TSSK3: variants seen among roughly 807,000 people sequenced by gnomAD.
The protein encoded by TSSK3 is testis-specific serine/threonine-protein kinase 3.
TSSK3 carries 16 observed loss-of-function variants against 18.9 expected under a neutral mutation model. The observed-to-expected ratio is 0.85, with a 90% confidence interval of 0.57 to 1.28. TSSK3 has a LOEUF of 1.28. Ranked by LOEUF, TSSK3 falls within the 50% of genes most tolerant of loss-of-function variation. The probability of loss-of-function intolerance (pLI) is 0.00; values close to 1 mark genes in which losing one functional copy is unlikely to be tolerated. For missense variants in TSSK3, 345 were observed against 341.0 expected (o/e 1.01, Z -0.09); for synonymous variants, 146 against 133.9 (o/e 1.09, Z -0.62).
In TSSK3 at chr1:32,363,651, A is replaced by G. The variant is rs189409379; in HGVS notation, c.202A>G (p.Lys68Glu). ...ELQIVRTLDH[K>E]NIIQVYEMLE... is the part of the protein sequence containing the mutation. ...CCAAATCGTCCGTACCCTGGACCAC[A>G]AGAACATCATCCAGGTGTATGAGAT... is the stretch of plus-strand genomic sequence containing the variant. The change falls in exon 2 of 2, where the codon AAG becomes GAG. Residue 68 changes from lysine to glutamate, a missense_variant. Transcript: ENST00000373534. 104 of 1,614,206 alleles carry G rather than the reference A, an allele frequency of 6.4e-5. 1 individual carries two copies. Among genetic ancestry groups the G allele is most frequent in the Admixed American group, 4.3e-4 (26 of 60,030 alleles).
Position 32,363,919 on chromosome 1 carries a change from T to C in TSSK3, c.470T>C (p.Val157Ala). 1 of 1,614,198 alleles carries C rather than the reference T, an allele frequency of 6.2e-7. No homozygotes were observed. The highest frequency in any genetic ancestry group is 8.5e-7 in the Non-Finnish European group (1 of 1,180,040). The change falls in exon 2 of 2, where the codon GTG becomes GCG. Residue 157 changes from valine to alanine, a missense_variant. Physicochemically the swap from Val to Ala is moderately conservative, Grantham distance 64 (BLOSUM62 0). Coordinates refer to ENST00000373534, the MANE Select transcript of TSSK3 (RefSeq NM_052841.4). Reference protein sequence around the residue: ...LKLTDFGFAKVLPKSHRELSQ... With the variant: ...LKLTDFGFAKALPKSHRELSQ... ...CTGACTGACTTTGGCTTTGCCAAGG[T>C]GTTGCCCAAGTCACACCGGGAGCTG... is the stretch of plus-strand genomic sequence containing the variant.
At position 32,363,697 on chromosome 1, in the gene TSSK3, A is replaced by T. The variant is rs1169958069; in HGVS notation, c.248A>T (p.Lys83Ile). ...GAGATGCTGGAGTCTGCCGACGGGA[A>T]AATCTGCCTGGTGATGGAGCTCGCT... The part of the protein sequence containing the change: ...VYEMLESADG[K>I]ICLVMELAEG... The change falls in exon 2 of 2, where the codon AAA becomes ATA. Residue 83 changes from lysine (K) to isoleucine (I), a missense_variant. By Grantham distance (102) the Lys-to-Ile change is moderately radical. Transcript: ENST00000373534. 1 of 1,613,650 alleles carries T rather than the reference A, an allele frequency of 6.2e-7. No homozygotes were observed. Among genetic ancestry groups the T allele is most frequent in the Non-Finnish European group, 8.5e-7 (1 of 1,179,824 alleles).
chr1:32,363,854 C>T lies in TSSK3; in HGVS notation c.405C>T (p.Leu135=), dbSNP rs1332945729. The T allele has an allele frequency of 6.2e-7, 1 of 1,614,194 alleles. No homozygotes were observed. The highest frequency in any genetic ancestry group is 8.5e-7 in the Non-Finnish European group (1 of 1,180,048). ...CHGCGVAHRD[L]KCENALLQGF... The stretch of plus-strand genomic sequence containing the variant: ...GCTGTGGTGTGGCCCACCGGGACCT[C>T]AAATGTGAGAACGCCTTGTTGCAGG... The change falls in exon 2 of 2, where the codon CTC becomes CTT. Residue 135 remains leucine, a synonymous_variant. Transcript: ENST00000373534.
At chr1:32,363,110 T>C in intron 1 of TSSK3, 1 of 452,390 alleles carries the variant, frequency 2.2e-6, no homozygotes, top group Non-Finnish European at 4.0e-6. Context: ...AGGCTTTCCT[T>C]TCCGGCAGGG....
Position 32,363,984 on chromosome 1 carries a change from G to A in TSSK3, c.535G>A (p.Glu179Lys), listed in dbSNP as rs769106433. ...CGGCAGTACAGCCTATGCTGCCCCCGAGGTGCTGCAGGGCATTCCCCACGA... is the reference window on the plus strand; with the variant it reads ...CGGCAGTACAGCCTATGCTGCCCCCAAGGTGCTGCAGGGCATTCCCCACGA... ...FCGSTAYAAP[E>K]VLQGIPHDSK... is the part of the protein sequence containing the mutation. The change falls in exon 2 of 2, where the codon GAG becomes AAG. Residue 179 changes from glutamate to lysine, a missense_variant. Glu to Lys is a moderately conservative substitution (Grantham distance 56, BLOSUM62 1). Transcript: ENST00000373534. The A allele has an allele frequency of 3.3e-5, 54 of 1,614,132 alleles. No individual in the cohort carries two copies. In the Admixed American group the frequency reaches 4.3e-4, roughly 13 times the overall value.
Position 32,363,718 on chromosome 1 carries a change from T to C in TSSK3, c.269T>C (p.Leu90Pro), listed in dbSNP as rs368451356. ...ADGKICLVME[L>P]AEGGDVFDCV... The stretch of plus-strand genomic sequence containing the variant: ...GGGAAAATCTGCCTGGTGATGGAGC[T>C]CGCTGAGGGAGGGGATGTCTTTGAC... The change falls in exon 2 of 2, where the codon CTC becomes CCC. Residue 90 changes from leucine to proline, a missense_variant. Physicochemically the swap from Leu to Pro is moderately conservative, Grantham distance 98. Transcript: ENST00000373534. 2.5e-6 allele frequency: 4 copies of C among 1,613,558 alleles called. No homozygotes were observed. Among genetic ancestry groups the C allele is most frequent in the Non-Finnish European group, 3.4e-6 (4 of 1,179,762 alleles).
rs149281048 is a variant in TSSK3, at chr1:32,364,145, G to A, written c.696G>A (p.Leu232=). Residue 232 remains leucine (L), a synonymous_variant, in exon 2 of 2, where the codon CTG becomes CTA. Transcript: ENST00000373534. The part of the protein sequence containing the change: ...QQKGVSFPTH[L]SISADCQDLL... ...AGGGGGTGTCCTTCCCCACTCATCTGAGCATCTCGGCCGATTGCCAGGACC... is the reference window on the plus strand; with the variant it reads ...AGGGGGTGTCCTTCCCCACTCATCTAAGCATCTCGGCCGATTGCCAGGACC... 4.2e-5 allele frequency: 68 copies of A among 1,614,206 alleles called. No homozygotes were observed. The African/African-American group carries it at 8.3e-4, about 20-fold the overall frequency.
In TSSK3 at chr1:32,364,086, A is replaced by G; in HGVS notation, c.637A>G (p.Thr213Ala). 1 of 1,614,236 alleles carries G rather than the reference A, an allele frequency of 6.2e-7. No individual in the cohort carries two copies. The highest frequency in any genetic ancestry group is 8.5e-7 in the Non-Finnish European group (1 of 1,180,032). ...MLCASLPFDD[T>A]DIPKMLWQQQ... is the part of the protein sequence containing the mutation. ...CTGTGCCAGCCTACCTTTTGACGAC[A>G]CAGACATCCCCAAGATGCTGTGGCA... Residue 213 changes from threonine to alanine, a missense_variant, in exon 2 of 2, where the codon ACA becomes GCA. Thr to Ala is a moderately conservative substitution (Grantham distance 58, BLOSUM62 0). Coordinates refer to ENST00000373534, the MANE Select transcript of TSSK3 (RefSeq NM_052841.4).
At chr1:32,362,949 G>T in intron 1 of TSSK3, 103 bp downstream of exon 1, 1 of 1,441,472 alleles carries the variant, frequency 6.9e-7, no homozygotes, top group Admixed American at 1.8e-5. Flanking sequence ...CCCTGCTCCC[G>T]CTGGCCTGGA....
At position 32,363,836 on chromosome 1, in the gene TSSK3, T is replaced by G. The variant is rs1570081074; in HGVS notation, c.387T>G (p.Gly129=). The stretch of plus-strand genomic sequence containing the variant: ...CCATCCGCTACTGCCATGGCTGTGG[T>G]GTGGCCCACCGGGACCTCAAATGTG... ...VEAIRYCHGC[G]VAHRDLKCEN... Residue 129 remains glycine (G), a synonymous_variant, in exon 2 of 2, where the codon GGT becomes GGG. Coordinates refer to ENST00000373534, the MANE Select transcript of TSSK3 (RefSeq NM_052841.4). 6.2e-7 allele frequency: 1 copy of G among 1,614,180 alleles called. No individual in the cohort carries two copies.
At position 32,364,041 on chromosome 1, in the gene TSSK3, G is replaced by A. The variant is rs151204655; in HGVS notation, c.592G>A (p.Val198Met). The change falls in exon 2 of 2, where the codon GTG (valine) becomes ATG (methionine). Residue 198 changes from valine (V) to methionine (M), a missense_variant. Transcript: ENST00000373534. ...AAAAGGTGATGTCTGGAGCATGGGT[G>A]TGGTCCTGTATGTCATGCTCTGTGC... is the stretch of plus-strand genomic sequence containing the variant. ...SKKGDVWSMGVVLYVMLCASL... is the reference protein window; with the variant it reads ...SKKGDVWSMGMVLYVMLCASL... 7.5e-4 allele frequency: 1,207 copies of A among 1,614,250 alleles called. 8 individuals are homozygous for A. Among genetic ancestry groups the A allele is most frequent in the Non-Finnish European group, 2.9e-4 (339 of 1,180,044 alleles).
intron 1 of TSSK3, 143 bp downstream of exon 1, chr1:32,362,989 T>C (rs769578921): frequency 5.4e-6 from 5 of 922,532 alleles, no homozygotes; most frequent in Non-Finnish European, 5.1e-6. Flanking sequence ...AGCTCTGGAG[T>C]GGGTCAGTGG....
chr1:32,362,653 C>CA lies in TSSK3; in HGVS notation c.-48dup. 1 of 1,603,690 alleles carries CA rather than the reference C, an allele frequency of 6.2e-7. No individual in the cohort carries two copies. Among genetic ancestry groups the CA allele is most frequent in the African/African-American group, 1.3e-5 (1 of 74,444 alleles). On this transcript the variant is annotated 5_prime_UTR_variant, in exon 1 of 2. It introduces an in-frame stop codon into an upstream open reading frame of the 5' UTR. Transcript: ENST00000373534. ...GCGATGGTGGAGTAGAGCTGCCTCT[C>CA]AGAGGCAGCATGAGCTGAGAGGGTG...
rs184893411 is a variant in TSSK3, at chr1:32,362,630, G to T, written c.-72G>T. On this transcript the variant is annotated 5_prime_UTR_variant, in exon 1 of 2. Coordinates refer to ENST00000373534, the MANE Select transcript of TSSK3 (RefSeq NM_052841.4). The stretch of plus-strand genomic sequence containing the variant: ...GGGAGAAAAGGAGCAGGCCAAGGGC[G>T]ATGGTGGAGTAGAGCTGCCTCTCAG... 3.6e-5 allele frequency: 57 copies of T among 1,571,454 alleles called. 2 individuals carry two copies. In the Admixed American group the frequency reaches 8.7e-4, roughly 24 times the overall value.
In TSSK3 at chr1:32,362,813, A is replaced by G. The variant is rs901615113; in HGVS notation, c.112A>G (p.Ile38Val). The change falls in exon 1 of 2, where the codon ATT becomes GTT. Residue 38 changes from isoleucine (I) to valine (V), a missense_variant. By Grantham distance (29) the Ile-to-Val change is conservative. Coordinates refer to ENST00000373534, the MANE Select transcript of TSSK3 (RefSeq NM_052841.4). ...CAAAAAACACCAAAGAAAAGTGGCA[A>G]TTAAAGTTATAGACAAGATGGGAGG... ...FSKKHQRKVA[I>V]KVIDKMGGPE... 5.0e-6 allele frequency: 8 copies of G among 1,614,106 alleles called. No individual in the cohort carries two copies. Among genetic ancestry groups the G allele is most frequent in the Non-Finnish European group, 5.9e-6 (7 of 1,180,036 alleles).
At position 32,363,664 on chromosome 1, in the gene TSSK3, AGGTGTATGAGAT is replaced by A; in HGVS notation, c.217_228del (p.Val73_Met76del). 6.2e-7 allele frequency: 1 copy of A among 1,614,180 alleles called. No individual in the cohort carries two copies. The highest frequency in any genetic ancestry group is 2.2e-5 in the East Asian group (1 of 44,874). ...ACCCTGGACCACAAGAACATCATCC[AGGTGTATGAGAT>A]GCTGGAGTCTGCCGACGGGAAAATC... is the stretch of plus-strand genomic sequence containing the variant. On this transcript the variant is annotated inframe_deletion, in exon 2 of 2. Transcript: ENST00000373534.
Position 32,363,584 on chromosome 1 carries a change from T to C in TSSK3, c.146-11T>C. 6.2e-7 allele frequency: 1 copy of C among 1,601,272 alleles called. No individual in the cohort carries two copies. On this transcript the variant is annotated splice_polypyrimidine_tract_variant and intron_variant, in intron 1 of 1. Coordinates refer to ENST00000373534, the MANE Select transcript of TSSK3 (RefSeq NM_052841.4). ...TCTGCCAGCCCATCTCTCCTCCCCT[T>C]ACTTCCTCAGAGTTTATCCAGAGAT...
Position 32,364,187 on chromosome 1 carries a change from G to A in TSSK3, c.738G>A (p.Leu246=), listed in dbSNP as rs758978641. 8 of 1,613,612 alleles carry A rather than the reference G, an allele frequency of 5.0e-6. No individual in the cohort carries two copies. The African/African-American group carries it at 8.0e-5, about 16-fold the overall frequency. The change falls in exon 2 of 2, where the codon CTG becomes CTA. Residue 246 remains leucine (L), a synonymous_variant. Transcript: ENST00000373534. ...ADCQDLLKRL[L]EPDMILRPSI... is the part of the protein sequence containing the mutation. ...GCCAGGACCTGCTCAAGAGGCTCCTGGAACCCGATATGATCCTCCGGCCTT... is the reference window on the plus strand; with the variant it reads ...GCCAGGACCTGCTCAAGAGGCTCCTAGAACCCGATATGATCCTCCGGCCTT...
rs1485126120 is a variant in TSSK3, at chr1:32,364,110, C to G, written c.661C>G (p.Gln221Glu). Residue 221 changes from glutamine to glutamate, a missense_variant, in exon 2 of 2, where the codon CAG becomes GAG. Transcript: ENST00000373534. ...DDTDIPKMLW[Q>E]QQKGVSFPTH... ...CACAGACATCCCCAAGATGCTGTGG[C>G]AGCAGCAGAAGGGGGTGTCCTTCCC... The G allele has an allele frequency of 6.2e-7, 1 of 1,614,250 alleles. No homozygotes were observed. The highest frequency in any genetic ancestry group is 1.7e-5 in the Admixed American group (1 of 60,038).
Sources: gnomAD v4.1 joint callset for allele counts on GRCh38, gnomAD v4.1.1 for gene constraint, MANE v1.5 for transcripts, NCBI Gene and HGNC (gene_info 2026-07-23, HGNC 2026-07-21) for gene names.